Variants in SLC7A2 observed in about 807,000 individuals in gnomAD.
SLC7A2 encodes the protein solute carrier family 7 member 2.
Under a neutral mutation model 58.9 loss-of-function variants are expected in SLC7A2, and 48 were observed. That is an observed-to-expected ratio of 0.82 (90% CI 0.65 to 1.04). SLC7A2 has a LOEUF of 1.04. Ranked by LOEUF, SLC7A2 falls within the 50% of genes least tolerant of loss-of-function variation. SLC7A2 has a pLI of 0.00. For missense variants in SLC7A2, 1,029 were observed against 818.8 expected (o/e 1.26, Z -3.13); for synonymous variants, 363 against 314.5 (o/e 1.15, Z -1.63).
At chr8:17,551,393 A>G (rs558495877) in intron 6 of SLC7A2, among the ~76,000 whole-genome samples, 2 of 152,302 alleles carry the variant, frequency 1.3e-5, no homozygotes, top group African/African-American at 2.4e-5. Flanking sequence ...GAGGCCAGGA[A>G]TTAGAGACTA....
intron 3 of SLC7A2, 68 bp from the exon 4 acceptor site, chr8:17,544,383 A>T (rs1802064329): frequency 3.7e-6 from 5 of 1,367,636 alleles, no homozygotes; most frequent in Non-Finnish European, 4.1e-6. Flanking sequence ...ATCCTATAAT[A>T]GAGTAGCAAA....
intron 11 of SLC7A2, 63 bp from the exon 12 acceptor site, chr8:17,563,540 A>G (rs1317388195): frequency 9.9e-7 from 1 of 1,007,076 alleles, no homozygotes; most frequent in Non-Finnish European, 1.5e-6. Flanking sequence ...CACCCTGTTG[A>G]AATAACTTGG....
intron 2 of SLC7A2, among the ~76,000 whole-genome samples, chr8:17,516,008 AG>A (rs964911209): frequency 6.6e-6 from 1 of 152,150 alleles, no homozygotes; most frequent in African/African-American, 2.4e-5. Flanking sequence ...GTAAATACAT[AG>A]GATCATTGCC....
At chr8:17,519,218 T>C (rs1800918853) in intron 2 of SLC7A2, among the ~76,000 whole-genome samples, 1 of 152,198 alleles carries the variant, frequency 6.6e-6, no homozygotes, top group Non-Finnish European at 1.5e-5. Flanking sequence ...TAAAAGCACT[T>C]ACCTCATAGG....
At chr8:17,554,510 TA>T in intron 7 of SLC7A2, 49 bp from the exon 8 acceptor site, 1 of 1,469,090 alleles carries the variant, frequency 6.8e-7, no homozygotes, top group Non-Finnish European at 9.1e-7. Context: ...TTCGGGGATG[TA>T]ATCTTGCATG....
chr8:17,557,382 T>C (rs1802756759), intron 8 of SLC7A2, among the ~76,000 whole-genome samples: 1 of 152,022 alleles, frequency 6.6e-6, no homozygotes, highest in Non-Finnish European at 1.5e-5. Context: ...TCTCTTAGTA[T>C]TTTGGGATTT....
Position 17,543,523 on chromosome 8 carries a change from G to T in SLC7A2, c.184G>T (p.Ala62Ser). Reference protein sequence around the residue: ...VYVLAGEVAKADSGPSIVVSF... With the variant: ...VYVLAGEVAKSDSGPSIVVSF... ...TGTCCTCGCTGGGGAGGTGGCCAAG[G>T]CAGACTCGGGCCCCAGCATCGTGGT... The change falls in exon 3 of 13, where the codon GCA (alanine) becomes TCA (serine). Residue 62 changes from alanine (A) to serine (S), a missense_variant. By Grantham distance (99) the Ala-to-Ser change is moderately conservative. Transcript: ENST00000494857. 6.2e-7 allele frequency: 1 copy of T among 1,613,510 alleles called. No individual in the cohort carries two copies. Among genetic ancestry groups the T allele is most frequent in the Non-Finnish European group, 8.5e-7 (1 of 1,179,702 alleles).
At chr8:17,540,438 C>G (rs6983122) in intron 2 of SLC7A2, among the ~76,000 whole-genome samples, 1 of 151,762 alleles carries the variant, frequency 6.6e-6, no homozygotes, top group Admixed American at 6.6e-5. Context: ...ACCTGACTAC[C>G]CATAAAATAC....
intron 2 of SLC7A2, among the ~76,000 whole-genome samples, chr8:17,542,642 C>A (rs538887200): frequency 1.7e-5 from 2 of 119,160 alleles, no homozygotes; most frequent in East Asian, 2.0e-4. Context: ...CAGAGTGAGA[C>A]CCTGTCTCAA....
At chr8:17,537,826 T>C (rs906365881) in intron 2 of SLC7A2, among the ~76,000 whole-genome samples, 6 of 152,206 alleles carry the variant, frequency 3.9e-5, no homozygotes, top group Non-Finnish European at 1.5e-5. Context: ...CGCAGTGTGC[T>C]GACTGGGCAG....
At chr8:17,515,001 A>T (rs909916501) in intron 2 of SLC7A2, among the ~76,000 whole-genome samples, 1 of 152,220 alleles carries the variant, frequency 6.6e-6, no homozygotes, top group Non-Finnish European at 1.5e-5. Context: ...GGGTAGAGCT[A>T]TATTGGTAAA....
At chr8:17,541,224 G>T (rs13280567) in intron 2 of SLC7A2, among the ~76,000 whole-genome samples, 20,700 of 152,090 alleles carry the variant, frequency 0.14, 1,911 homozygotes, top group Non-Finnish European at 0.21. Flanking sequence ...CCCTCAGTTG[G>T]TTTTTATATA....
intron 2 of SLC7A2, among the ~76,000 whole-genome samples, chr8:17,512,936 G>A (rs1225793539): frequency 1.3e-5 from 2 of 152,094 alleles, no homozygotes; most frequent in African/African-American, 4.8e-5. Flanking sequence ...ATGTTCTCGA[G>A]GTTCATCCGT....
At chr8:17,494,304 T>C (rs1207241061), upstream of SLC7A2, among the ~76,000 whole-genome samples, 1 of 152,176 alleles carries the variant, frequency 6.6e-6, no homozygotes, top group East Asian at 1.9e-4. Context: ...TCCCTTAAAA[T>C]TCCCCGCAAT....
intron 10 of SLC7A2, 96 bp from the exon 11 acceptor site, chr8:17,561,848 C>G (rs747975796): frequency 1.3e-5 from 15 of 1,171,608 alleles, no homozygotes; most frequent in Non-Finnish European, 1.5e-5. Flanking sequence ...TAGATGTGTA[C>G]AGAAGTCAGT....
At chr8:17,536,981 T>C (rs945872814) in intron 2 of SLC7A2, among the ~76,000 whole-genome samples, 13 of 152,214 alleles carry the variant, frequency 8.5e-5, no homozygotes, top group African/African-American at 2.7e-4. Flanking sequence ...CAGGCTCCTC[T>C]TGCCCTGCCT....
At chr8:17,512,289 G>A (rs1315010919) in intron 2 of SLC7A2, among the ~76,000 whole-genome samples, 2 of 152,078 alleles carry the variant, frequency 1.3e-5, no homozygotes, top group East Asian at 3.9e-4. Context: ...GCTCACCCCT[G>A]TAATCCTAGC....
At chr8:17,529,125 G>T (rs757592986) in intron 2 of SLC7A2, among the ~76,000 whole-genome samples, 12 of 152,332 alleles carry the variant, frequency 7.9e-5, no homozygotes, top group Middle Eastern at 3.4e-3. Context: ...CTGGGGGATT[G>T]TTAAATAATT....
At chr8:17,506,845 G>A (rs185731093) in intron 2 of SLC7A2, among the ~76,000 whole-genome samples, 141 of 152,174 alleles carry the variant, frequency 9.3e-4, no homozygotes, top group Non-Finnish European at 1.7e-3. Context: ...AGACAGCTAG[G>A]GGTAGAGTGA....
Sources: allele counts gnomAD v4.1 joint callset (sites outside exome capture counted in the v4.1 genomes callset), GRCh38; gene constraint gnomAD v4.1.1; transcripts MANE v1.5; gene names NCBI Gene and HGNC (gene_info 2026-07-23, HGNC 2026-07-21).